ASXL1: variants seen among roughly 807,000 people sequenced by gnomAD.
The protein encoded by ASXL1 is polycomb group protein ASXL1.
Under a neutral mutation model 89.1 loss-of-function variants are expected in ASXL1, and 65 were observed. The ratio of observed to expected loss-of-function variants is 0.73; its 90% CI spans 0.60 to 0.90. The LOEUF (loss-of-function observed/expected upper bound fraction) is 0.90. ASXL1 is among the 40% of genes least tolerant of loss of function. The pLI is 0.00. For synonymous variants in ASXL1, 739 were observed against 746.9 expected, an observed-to-expected ratio of 0.99 and a Z score of 0.17; for missense variants, 1,786 against 1,942.9, an observed-to-expected ratio of 0.92 and a Z score of 1.52.
chr20:32,378,711 C>A (rs183216447), intron 4 of ASXL1, among the ~76,000 whole-genome samples: 4 of 151,976 alleles, frequency 2.6e-5, no homozygotes, highest in South Asian at 4.1e-4. Context: ...TTAGGACTTT[C>A]ATGCTGAAAT....
At chr20:32,385,295 A>G (rs918282066) in intron 4 of ASXL1, among the ~76,000 whole-genome samples, 1 of 152,238 alleles carries the variant, frequency 6.6e-6, no homozygotes, top group African/African-American at 2.4e-5. Context: ...TTTTTAATAC[A>G]GAGAGGACAG....
intron 4 of ASXL1, among the ~76,000 whole-genome samples, chr20:32,385,947 T>G (rs993660500): frequency 6.6e-6 from 1 of 152,234 alleles, no homozygotes; most frequent in Non-Finnish European, 1.5e-5. Flanking sequence ...TTTTGAACTC[T>G]TTCTCCTCCA....
In ASXL1 at chr20:32,421,248, A is replaced by T. The variant is rs1440968171; in HGVS notation, c.253-6880A>T. The stretch of plus-strand genomic sequence containing the variant: ...CTTAAAGTAAAATTTAAAAAAAAAA[A>T]AACTTCAAAAAAAAAAAAGTGCTCA... On this transcript the variant is annotated intron_variant, in intron 4 of 12. Coordinates refer to ENST00000375687, the MANE Select transcript of ASXL1 (RefSeq NM_015338.6). Among the ~76,000 whole-genome samples, 4 of 151,922 alleles carry T rather than the reference A, an allele frequency of 2.6e-5. No individual in the cohort carries two copies. The East Asian group carries it at 5.8e-4, about 22-fold the overall frequency.
chr20:32,360,383 T>C (rs1296043743), intron 1 of ASXL1: 1 of 153,986 alleles, frequency 6.5e-6, no homozygotes, highest in African/African-American at 2.4e-5. Context: ...TTCAGGATCT[T>C]GTAGAAATTT....
chr20:32,375,763 A>C (rs568591581), intron 4 of ASXL1, among the ~76,000 whole-genome samples: 1 of 151,940 alleles, frequency 6.6e-6, no homozygotes, highest in Non-Finnish European at 1.5e-5. Context: ...GCTTACTGCA[A>C]CCTCTGCCTC....
intron 4 of ASXL1, among the ~76,000 whole-genome samples, chr20:32,397,504 G>GT (rs1218212997): frequency 1.4e-5 from 2 of 146,920 alleles, no homozygotes; most frequent in Non-Finnish European, 3.0e-5. Flanking sequence ...GGTTCAAGCA[G>GT]TTCTCCTGCC....
At chr20:32,388,079 G>A (rs1348563665) in intron 4 of ASXL1, among the ~76,000 whole-genome samples, 1 of 152,136 alleles carries the variant, frequency 6.6e-6, no homozygotes, top group Non-Finnish European at 1.5e-5. Context: ...AGTGGTTTAA[G>A]CCACCTTCAT....
chr20:32,411,633 C>G (rs1349852420), intron 4 of ASXL1, among the ~76,000 whole-genome samples: 1 of 150,368 alleles, frequency 6.7e-6, no homozygotes, highest in East Asian at 2.0e-4. Context: ...CCTCTGCCGC[C>G]TGGGTTCAAG....
At chr20:32,390,699 G>A (rs1053497608) in intron 4 of ASXL1, among the ~76,000 whole-genome samples, 1 of 152,064 alleles carries the variant, frequency 6.6e-6, no homozygotes, top group Admixed American at 6.6e-5. Flanking sequence ...GTATCCTTTT[G>A]TAGTCAGCTT....
chr20:32,432,374 T>C, intron 10 of ASXL1: 1 of 180,632 alleles, frequency 5.5e-6, no homozygotes, highest in Non-Finnish European at 1.2e-5. Context: ...CCCAGGGTTT[T>C]TATCAAGGGC....
chr20:32,371,395 C>CCCA (rs2048298813), intron 4 of ASXL1, among the ~76,000 whole-genome samples: 1 of 152,108 alleles, frequency 6.6e-6, no homozygotes, highest in Admixed American at 6.6e-5. Flanking sequence ...AAGTGATCCT[C>CCCA]CCACCTCAGC....
chr20:32,423,541 T>TTTA lies in ASXL1; in HGVS notation c.253-4585_253-4584insATT, dbSNP rs1555909913. On this transcript the variant is annotated intron_variant, in intron 4 of 12. Transcript: ENST00000375687. Reference sequence around the variant, plus strand: ...GGTGTGGGCCACAATACCCAGCATTTTTTATTTATTTATTTATTTATGTAT... The same window carrying TTTA: ...GGTGTGGGCCACAATACCCAGCATTTTTATTTATTTATTTATTTATTTATGTAT... Among the ~76,000 whole-genome samples the TTTA allele has an allele frequency of 8.5e-4, 129 of 151,252 alleles. 1 individual carries two copies. Among genetic ancestry groups the TTTA allele is most frequent in the East Asian group, 2.9e-3 (15 of 5,114 alleles).
rs529843507 is a variant in ASXL1, at chr20:32,415,158, G to C, written c.253-12970G>C. Among the ~76,000 whole-genome samples, 3 of 152,062 alleles carry C rather than the reference G, an allele frequency of 2.0e-5. No homozygotes were observed. In the South Asian group the frequency reaches 6.2e-4, roughly 32 times the overall value. ...CTAGTAGCTGGGATTACAGGTGCCC[G>C]CCATCACCCCTGGCTAATTTTTGTA... On this transcript the variant is annotated intron_variant, in intron 4 of 12. Coordinates refer to ENST00000375687, the MANE Select transcript of ASXL1 (RefSeq NM_015338.6).
intron 4 of ASXL1, among the ~76,000 whole-genome samples, chr20:32,405,589 C>T (rs1435327119): frequency 6.6e-6 from 1 of 152,154 alleles, no homozygotes; most frequent in Non-Finnish European, 1.5e-5. Flanking sequence ...TTATGTGTTG[C>T]ATGGAGTTGT....
chr20:32,403,443 C>G (rs1330078491), intron 4 of ASXL1, among the ~76,000 whole-genome samples: 1 of 152,066 alleles, frequency 6.6e-6, no homozygotes, highest in Non-Finnish European at 1.5e-5. Flanking sequence ...TTGAGACAGC[C>G]TCAGTGTTTT....
chr20:32,429,229 A>T lies in ASXL1; in HGVS notation c.472-109A>T. The T allele has an allele frequency of 9.1e-7, 1 of 1,098,456 alleles. No homozygotes were observed. The highest frequency in any genetic ancestry group is 1.4e-6 in the Non-Finnish European group (1 of 734,742). The allele number at this position is 1,098,456 out of a possible 1,614,324, so 68.0% of individuals were successfully genotyped here. A position where few individuals can be genotyped will look rare whatever the true frequency, so the allele number is the denominator to read the frequency against. On this transcript the variant is annotated intron_variant, in intron 6 of 12. Coordinates refer to ENST00000375687, the MANE Select transcript of ASXL1 (RefSeq NM_015338.6). This position sits in a 1 kb window ranked among gnomAD's most constrained non-coding sequence, Gnocchi z 4.9. ...CAGCATTATTTGACAGATCTGGTTG[A>T]AGACGAACTTCATTTTACAAGAGCG...
intron 4 of ASXL1, among the ~76,000 whole-genome samples, 155 bp downstream of exon 4, chr20:32,369,278 G>A (rs967904272): frequency 3.3e-5 from 5 of 151,982 alleles, no homozygotes; most frequent in South Asian, 4.1e-4. Flanking sequence ...ACATAGTCTC[G>A]CTGTGTCACC....
intron 4 of ASXL1, among the ~76,000 whole-genome samples, chr20:32,391,767 G>C (rs2048675873): frequency 6.6e-6 from 1 of 152,184 alleles, no homozygotes; most frequent in Admixed American, 6.5e-5. Flanking sequence ...GGGATTGCAG[G>C]TGTGAGCCAC....
intron 4 of ASXL1, among the ~76,000 whole-genome samples, chr20:32,398,107 C>T (rs1433132759): frequency 6.6e-6 from 1 of 152,040 alleles, no homozygotes. Context: ...TGGTTTCTTT[C>T]CTTAGAAAAA....
Sources: allele counts gnomAD v4.1 joint callset (sites outside exome capture counted in the v4.1 genomes callset), GRCh38; gene constraint gnomAD v4.1.1; non-coding constraint Gnocchi (gnomAD v3.1); transcripts MANE v1.5; gene names NCBI Gene and HGNC (gene_info 2026-07-23, HGNC 2026-07-21).